COL5A2: variants seen among roughly 807,000 people sequenced by gnomAD.
The protein encoded by COL5A2 is collagen alpha-2(V) chain.
Under a neutral mutation model 208.2 loss-of-function variants are expected in COL5A2, and 23 were observed. The ratio of observed to expected loss-of-function variants is 0.11; its 90% CI spans 0.08 to 0.16. COL5A2 has a LOEUF of 0.16. COL5A2 is among the 10% of genes least tolerant of loss of function. The pLI is 1.00. For missense variants in COL5A2, 1,590 were observed against 1,956.4 expected, an observed-to-expected ratio of 0.81 and a Z score of 3.53; for synonymous variants, 625 against 628.5, an observed-to-expected ratio of 0.99 and a Z score of 0.08.
chr2:189,318,961 C>A, the COL5A2 span, among the ~76,000 whole-genome samples: 4 of 152,144 alleles, frequency 2.6e-5, no homozygotes, highest in Admixed American at 2.0e-4. Flanking sequence ...ATCTGCACTT[C>A]TCAAAGTATT....
intron 1 of COL5A2, among the ~76,000 whole-genome samples, chr2:189,150,264 T>C (rs1039419919): frequency 1.2e-4 from 19 of 152,278 alleles, no homozygotes; most frequent in African/African-American, 4.3e-4. Context: ...ACTTTAGAGA[T>C]GACTTAACAG....
the COL5A2 span, among the ~76,000 whole-genome samples, chr2:189,310,007 G>A: frequency 1.3e-5 from 2 of 152,276 alleles, no homozygotes; most frequent in African/African-American, 4.8e-5. Flanking sequence ...AAAGTAGTTT[G>A]TTAAACACAC....
upstream of COL5A2, among the ~76,000 whole-genome samples, chr2:189,182,006 T>C (rs566445716): frequency 6.6e-6 from 1 of 152,340 alleles, no homozygotes; most frequent in Non-Finnish European, 1.5e-5. Context: ...TGAAATCTTA[T>C]TGCAATCAAG....
chr2:189,143,255 T>C (rs534798242), intron 1 of COL5A2, among the ~76,000 whole-genome samples: 11 of 152,316 alleles, frequency 7.2e-5, no homozygotes, highest in African/African-American at 2.6e-4. Context: ...CTATGAACCC[T>C]AGCTTGGGGC....
chr2:189,112,051 CG>C (rs1180771948), intron 1 of COL5A2, among the ~76,000 whole-genome samples: 1 of 151,756 alleles, frequency 6.6e-6, no homozygotes, highest in Admixed American at 6.6e-5. Flanking sequence ...TTAGTGGAGA[CG>C]GGGTTTCGCC....
At chr2:189,262,715 T>C in the COL5A2 span, among the ~76,000 whole-genome samples, 1 of 152,200 alleles carries the variant, frequency 6.6e-6, no homozygotes, top group Admixed American at 6.5e-5. Flanking sequence ...TTAATCCCTA[T>C]ATTGTTCTAA....
chr2:189,198,024 T>C (rs189612838), intron 1 of COL5A2, among the ~76,000 whole-genome samples: 155 of 152,212 alleles, frequency 1.0e-3, no homozygotes, highest in Middle Eastern at 3.4e-3. Context: ...TAATTTTTTG[T>C]ATTTCTAGTA....
At chr2:189,291,417 A>C in the COL5A2 span, among the ~76,000 whole-genome samples, 1 of 152,180 alleles carries the variant, frequency 6.6e-6, no homozygotes, top group Non-Finnish European at 1.5e-5. Context: ...CTACAATTTC[A>C]TAAGAATAAA....
the COL5A2 span, among the ~76,000 whole-genome samples, chr2:189,414,077 C>A: frequency 1.3e-5 from 2 of 152,106 alleles, no homozygotes; most frequent in African/African-American, 2.4e-5. Flanking sequence ...CGGGCGTGAG[C>A]CACTGTGCCC....
At chr2:189,400,150 G>T in the COL5A2 span, among the ~76,000 whole-genome samples, 1 of 151,816 alleles carries the variant, frequency 6.6e-6, no homozygotes, top group African/African-American at 2.4e-5. Flanking sequence ...ATTATTATTT[G>T]CCTACATATG....
chr2:189,121,643 A>G (rs1287014937), intron 1 of COL5A2, among the ~76,000 whole-genome samples: 2 of 147,120 alleles, frequency 1.4e-5, no homozygotes, highest in East Asian at 2.1e-4. Context: ...AGCATTTTTC[A>G]GGAGAATGGC....
At chr2:189,098,884 T>C (rs1380085324) in intron 4 of COL5A2, 125 bp from the exon 5 acceptor site, 138 of 681,930 alleles carry the variant, frequency 2.0e-4, no homozygotes, top group Non-Finnish European at 1.3e-5. Flanking sequence ...ATGTTGTCAA[T>C]TGATGACCAT....
chr2:189,388,888 A>C, the COL5A2 span, among the ~76,000 whole-genome samples: 1 of 152,148 alleles, frequency 6.6e-6, no homozygotes, highest in Non-Finnish European at 1.5e-5. Context: ...CACTGATACT[A>C]ATCAAGAGAA....
chr2:189,115,049 C>G (rs547029822), intron 1 of COL5A2, among the ~76,000 whole-genome samples: 1 of 152,184 alleles, frequency 6.6e-6, no homozygotes, highest in Non-Finnish European at 1.5e-5. Context: ...TATCTCCCAA[C>G]CTACAAGATT....
At chr2:189,250,767 T>C in the COL5A2 span, among the ~76,000 whole-genome samples, 1 of 152,162 alleles carries the variant, frequency 6.6e-6, no homozygotes, top group East Asian at 1.9e-4. Context: ...AGCCTATATA[T>C]TTCCATCTCT....
chr2:189,062,932 C>T lies in COL5A2; in HGVS notation c.1924-14G>A. ...TCCAGGAGCTCCCTAGTATCACACA[C>T]AGATATTTGTGAGGTGAGTCTATGA... On this transcript the variant is annotated splice_polypyrimidine_tract_variant and intron_variant, in intron 28 of 53. Transcript: ENST00000374866. 1 of 1,614,104 alleles carries T rather than the reference C, an allele frequency of 6.2e-7. No homozygotes were observed. Among genetic ancestry groups the T allele is most frequent in the South Asian group, 1.1e-5 (1 of 91,084 alleles).
At chr2:189,159,743 C>T (rs1688321501) in intron 1 of COL5A2, among the ~76,000 whole-genome samples, 1 of 151,956 alleles carries the variant, frequency 6.6e-6, no homozygotes, top group African/African-American at 2.4e-5. Context: ...TGGCCAGGCA[C>T]GGTGGCTCAT....
At chr2:189,064,708 G>C (rs909323090) in intron 24 of COL5A2, 53 bp from the exon 25 acceptor site, 3 of 1,222,666 alleles carry the variant, frequency 2.5e-6, no homozygotes. Flanking sequence ...AAAAACAAAA[G>C]CAAGCAGAAG....
At chr2:189,326,553 T>C in the COL5A2 span, among the ~76,000 whole-genome samples, 2 of 151,852 alleles carry the variant, frequency 1.3e-5, no homozygotes, top group African/African-American at 4.8e-5. Flanking sequence ...TAGCTGTGCA[T>C]GGTGGTGTGC....
Sources: gnomAD v4.1 joint callset for allele counts (sites outside exome capture counted in the v4.1 genomes callset) on GRCh38, gnomAD v4.1.1 for gene constraint, MANE v1.5 for transcripts, NCBI Gene and HGNC (gene_info 2026-07-23, HGNC 2026-07-21) for gene names.